ABCG1: variants seen among roughly 807,000 people sequenced by gnomAD.
ABCG1 encodes the protein ATP binding cassette subfamily G member 1.
A neutral mutation model predicts 69.2 loss-of-function variants in ABCG1; 29 were observed. The ratio of observed to expected loss-of-function variants is 0.42; its 90% CI spans 0.31 to 0.57. The LOEUF (loss-of-function observed/expected upper bound fraction) is 0.57. ABCG1 is among the 20% of genes least tolerant of loss of function. The pLI is 0.15. For missense variants in ABCG1, 718 were observed against 898.1 expected, an observed-to-expected ratio of 0.80 and a Z score of 2.56; for synonymous variants, 370 against 374.8, an observed-to-expected ratio of 0.99 and a Z score of 0.15.
At chr21:42,212,696 TA>T (rs1474062562), upstream of ABCG1, among the ~76,000 whole-genome samples, 1 of 149,100 alleles carries the variant, frequency 6.7e-6, no homozygotes, top group African/African-American at 2.5e-5. Flanking sequence ...AGAAATCAAT[TA>T]AAAACAGATT....
At position 42,291,249 on chromosome 21, in the gene ABCG1, T is replaced by G; in HGVS notation, c.1494+57T>G. On this transcript the variant is annotated intron_variant, in intron 12 of 14. Transcript: ENST00000398449. This position sits in a 1 kb window ranked among gnomAD's most constrained non-coding sequence, Gnocchi z 6.4. ...GGGGCAAGAGTTCTCCTGTACACCC[T>G]TTATATCGAGTAAGAGGACCTGCCA... 1 of 1,410,180 alleles carries G rather than the reference T, an allele frequency of 7.1e-7. No individual in the cohort carries two copies. Among genetic ancestry groups the G allele is most frequent in the Non-Finnish European group, 1.0e-6 (1 of 1,004,516 alleles). The allele number at this position is 1,410,180 out of a possible 1,614,324, so 87.4% of individuals were successfully genotyped here.
intron 2 of ABCG1, chr21:42,259,990 C>A: frequency 6.5e-7 from 1 of 1,529,304 alleles, no homozygotes. Context: ...TTTCTTCAGG[C>A]CAGTGCGGCA....
rs184540781 is a variant in ABCG1 at position 42,206,273 on chromosome 21, C to T, written c.48+4550C>T. On this transcript the variant is annotated intron_variant, in intron 2 of 15. Transcript: ENST00000398457. ...GCTGAGACATGAGAATCACTTGAGCCCGGGAGGTGGAGGTTGCAGTGAGCT... is the reference window on the plus strand; with the variant it reads ...GCTGAGACATGAGAATCACTTGAGCTCGGGAGGTGGAGGTTGCAGTGAGCT... Among the ~76,000 whole-genome samples the T allele has an allele frequency of 4.7e-3, 713 of 152,096 alleles. 6 individuals carry two copies. The highest frequency in any genetic ancestry group is 0.016 in the African/African-American group (678 of 41,466).
intron 2 of ABCG1, among the ~76,000 whole-genome samples, chr21:42,242,542 AGAG>A (rs889592056): frequency 1.3e-5 from 2 of 152,142 alleles, no homozygotes; most frequent in Admixed American, 1.3e-4. Flanking sequence ...GCACAATGAG[AGAG>A]GAGGAGGGAG....
chr21:42,296,533 G>A lies in ABCG1; in HGVS notation c.*141G>A. ...CTAGAACCGCGTTGGGTTTGTGGGT[G>A]TCTCGTGCTCAGCCACTCTGCCCAG... On this transcript the variant is annotated 3_prime_UTR_variant, in exon 15 of 15. Transcript: ENST00000398449. This position sits in a 1 kb window ranked among gnomAD's most constrained non-coding sequence, Gnocchi z 5.4. The A allele has an allele frequency of 1.4e-6, 1 of 723,210 alleles. No individual in the cohort carries two copies. The highest frequency in any genetic ancestry group is 2.3e-6 in the Non-Finnish European group (1 of 428,748). 44.8% of individuals were successfully genotyped at this position (723,210 alleles called of 1,614,324 possible). A position where few individuals can be genotyped will look rare whatever the true frequency, so the allele number is the denominator to read the frequency against.
At chr21:42,203,938 G>C (rs2067524848) in intron 2 of ABCG1, among the ~76,000 whole-genome samples, 1 of 151,974 alleles carries the variant, frequency 6.6e-6, no homozygotes, top group South Asian at 2.1e-4. Context: ...GGATTTTGTA[G>C]GTTTTAGCAT....
intron 1 of ABCG1, among the ~76,000 whole-genome samples, chr21:42,221,608 A>T (rs1464566804): frequency 6.6e-6 from 1 of 152,158 alleles, no homozygotes; most frequent in Non-Finnish European, 1.5e-5. Flanking sequence ...AGTTCAGGGT[A>T]TGATGCCTTT....
intron 2 of ABCG1, among the ~76,000 whole-genome samples, chr21:42,250,280 GAC>G (rs2068198955): frequency 6.6e-6 from 1 of 152,128 alleles, no homozygotes; most frequent in Non-Finnish European, 1.5e-5. Flanking sequence ...AAGCAGAGTG[GAC>G]CCAGCTCTTT....
intron 2 of ABCG1, among the ~76,000 whole-genome samples, chr21:42,262,758 G>C (rs570812256): frequency 1.3e-5 from 2 of 152,200 alleles, no homozygotes; most frequent in Non-Finnish European, 2.9e-5. Context: ...CTGACCTACC[G>C]TGTGACCTTG....
At position 42,286,202 on chromosome 21, in the gene ABCG1, T is replaced by TGCCTCTCTCCTGTCTCC. The variant is rs540536820; in HGVS notation, c.973+209_973+225dup. 2.8e-3 allele frequency: 1,497 copies of TGCCTCTCTCCTGTCTCC among 535,786 alleles called. 3 individuals carry two copies. Among genetic ancestry groups the TGCCTCTCTCCTGTCTCC allele is most frequent in the Non-Finnish European group, 4.3e-3 (1,289 of 297,804 alleles). 33.2% of individuals were successfully genotyped at this position (535,786 alleles called of 1,614,324 possible). ...TAAAATCATCTGGCCAGCCTGTCTC[T>TGCCTCTCTCCTGTCTCC]GCCTCTCTCCTGTCTCCATGTCCTA... is the stretch of plus-strand genomic sequence containing the variant. On this transcript the variant is annotated intron_variant, in intron 8 of 14. Transcript: ENST00000398449.
intron 2 of ABCG1, among the ~76,000 whole-genome samples, chr21:42,243,439 T>TGTGC (rs1332000959): frequency 1.1e-3 from 66 of 60,994 alleles, no homozygotes; most frequent in Admixed American, 2.5e-3. Context: ...TAATACCGTG[T>TGTGC]GTGTGCGCGT....
chr21:42,287,321 G>A lies in ABCG1; in HGVS notation c.974-568G>A, dbSNP rs1271739334. On this transcript the variant is annotated intron_variant, in intron 8 of 14. Coordinates refer to ENST00000398449, the MANE Select transcript of ABCG1 (RefSeq NM_016818.3). This position sits in a 1 kb window ranked among gnomAD's most constrained non-coding sequence, Gnocchi z 6.2. ...TGGGGAGGTGACGATTGGGATGCGA[G>A]AGGCAGGAGCAGCGGGCAGGGCCGG... 6.6e-6 allele frequency among the ~76,000 whole-genome samples: 1 copy of A among 152,182 alleles called. No individual in the cohort carries two copies. Among genetic ancestry groups the A allele is most frequent in the Non-Finnish European group, 1.5e-5 (1 of 68,026 alleles).
intron 2 of ABCG1, chr21:42,256,333 G>C (rs2068304279): frequency 6.5e-7 from 1 of 1,549,876 alleles, no homozygotes; most frequent in African/African-American, 1.4e-5. Flanking sequence ...GGCCCTCTCT[G>C]CTGGGGCTCC....
chr21:42,223,655 A>G (rs1033434302), intron 1 of ABCG1, among the ~76,000 whole-genome samples: 26 of 152,168 alleles, frequency 1.7e-4, no homozygotes, highest in African/African-American at 6.3e-4. Flanking sequence ...CTTGAACTTG[A>G]GCTTGCCAGG....
chr21:42,249,965 A>G (rs1287031695), intron 2 of ABCG1, among the ~76,000 whole-genome samples: 1 of 151,592 alleles, frequency 6.6e-6, no homozygotes, highest in Non-Finnish European at 1.5e-5. Flanking sequence ...AGATGGCGCC[A>G]CTGCACTCCA....
chr21:42,226,278 C>T (rs1284427111), intron 2 of ABCG1, among the ~76,000 whole-genome samples: 3 of 152,100 alleles, frequency 2.0e-5, no homozygotes, highest in Non-Finnish European at 2.9e-5. Context: ...TTTTCAACCG[C>T]CCAGAGCAAA....
Position 42,293,125 on chromosome 21 carries a change from A to C in ABCG1, c.1654-1417A>C, listed in dbSNP as rs560041940. The stretch of plus-strand genomic sequence containing the variant: ...ACGGTACACACCACACACTACACAC[A>C]CCACACACTACACACTACACACCAC... On this transcript the variant is annotated intron_variant, in intron 13 of 14. Coordinates refer to ENST00000398449, the MANE Select transcript of ABCG1 (RefSeq NM_016818.3). Among the ~76,000 whole-genome samples, 6 of 133,084 alleles carry C rather than the reference A, an allele frequency of 4.5e-5. 1 individual carries two copies. The South Asian group carries it at 1.3e-3, about 28-fold the overall frequency. The allele number at this position is 133,084 out of a possible 152,430, so 87.3% of individuals were successfully genotyped here.
intron 2 of ABCG1, among the ~76,000 whole-genome samples, chr21:42,267,401 G>T (rs927757403): frequency 1.1e-4 from 16 of 151,664 alleles, no homozygotes; most frequent in Non-Finnish European, 2.2e-4. Flanking sequence ...GTCTGGTCTA[G>T]GTTCTTTCTG....
chr21:42,214,082 G>C (rs2067614949), upstream of ABCG1, among the ~76,000 whole-genome samples: 1 of 152,222 alleles, frequency 6.6e-6, no homozygotes, highest in South Asian at 2.1e-4. Flanking sequence ...GCCAGGGGTG[G>C]AATGCTATGG....
Sources: gnomAD v4.1 joint callset for allele counts (sites outside exome capture counted in the v4.1 genomes callset) on GRCh38, gnomAD v4.1.1 for gene constraint, Gnocchi (gnomAD v3.1) non-coding constraint, MANE v1.5 for transcripts, NCBI Gene and HGNC (gene_info 2026-07-23, HGNC 2026-07-21) for gene names.